TBC1D5: variants seen among roughly 807,000 people sequenced by gnomAD.
The protein encoded by TBC1D5 is TBC1 domain family member 5, also known as TBC1 domain family, member 5.
Under a neutral mutation model 100.3 loss-of-function variants are expected in TBC1D5, and 75 were observed. The ratio of observed to expected loss-of-function variants is 0.75; its 90% CI spans 0.62 to 0.91. The LOEUF (loss-of-function observed/expected upper bound fraction) is 0.91. TBC1D5 is among the 40% of genes least tolerant of loss of function. TBC1D5 has a pLI of 0.00. For missense variants in TBC1D5, 910 were observed against 942.4 expected, an observed-to-expected ratio of 0.97 and a Z score of 0.45; for synonymous variants, 323 against 325.6, an observed-to-expected ratio of 0.99 and a Z score of 0.09.
rs200032975 is a variant in TBC1D5, at chr3:17,606,785, A to AAAC, written c.-36+17061_-36+17063dup. 4.6e-4 allele frequency among the ~76,000 whole-genome samples: 70 copies of AAAC among 152,176 alleles called. 1 individual carries two copies. The South Asian group carries it at 9.8e-3, about 21-fold the overall frequency. ...ACAAAGAGGTCATTTCTATACTGAA[A>AAAC]AACAACAACAACAACAACAAATAAC... is the stretch of plus-strand genomic sequence containing the variant. On this transcript the variant is annotated intron_variant, in intron 2 of 21. Transcript: ENST00000253692.
chr3:17,424,046 G>GA lies in TBC1D5; in HGVS notation c.167+4403dup, dbSNP rs149592667. 1.1e-4 allele frequency among the ~76,000 whole-genome samples: 17 copies of GA among 149,264 alleles called. 1 individual carries two copies. Among genetic ancestry groups the GA allele is most frequent in the South Asian group, 6.4e-4 (3 of 4,690 alleles). On this transcript the variant is annotated intron_variant, in intron 4 of 21. Coordinates refer to ENST00000253692, the Ensembl canonical transcript of TBC1D5. The stretch of plus-strand genomic sequence containing the variant: ...TTATGACATTATACTTTAAAAATCT[G>GA]AAAAAAAAAGCATTACATTGGCTCA...
At chr3:17,195,754 C>T (rs1181560376) in intron 18 of TBC1D5, among the ~76,000 whole-genome samples, 2 of 144,590 alleles carry the variant, frequency 1.4e-5, no homozygotes, top group African/African-American at 2.5e-5. Flanking sequence ...ATATTTCTTT[C>T]TTTTTTTTTT....
intron 16 of TBC1D5, among the ~76,000 whole-genome samples, chr3:17,247,454 A>G (rs567830618): frequency 6.6e-6 from 1 of 152,334 alleles, no homozygotes; most frequent in Admixed American, 6.5e-5. Context: ...TTAAAAAAAT[A>G]CTTTATTGCC....
chr3:17,669,589 C>G (rs1457045170), intron 1 of TBC1D5, among the ~76,000 whole-genome samples: 1 of 152,076 alleles, frequency 6.6e-6, no homozygotes, highest in Non-Finnish European at 1.5e-5. Context: ...CTCCATAGGG[C>G]TCCTTGGTAA....
At chr3:17,366,515 T>G (rs1559730241) in intron 13 of TBC1D5, among the ~76,000 whole-genome samples, 1 of 152,114 alleles carries the variant, frequency 6.6e-6, no homozygotes, top group Non-Finnish European at 1.5e-5. Flanking sequence ...TGGGAAAACA[T>G]TCAGTAGTGT....
chr3:17,166,344 C>CA (rs1288885569), intron 21 of TBC1D5, among the ~76,000 whole-genome samples: 2 of 152,082 alleles, frequency 1.3e-5, no homozygotes, highest in Admixed American at 6.5e-5. Context: ...GTAATTTTGG[C>CA]AAAAAAGGTT....
chr3:17,284,125 T>TACACACACACACACACAC lies in TBC1D5; in HGVS notation c.1245+7769_1245+7770insGTGTGTGTGTGTGTGTGT, dbSNP rs1559549230. On this transcript the variant is annotated intron_variant, in intron 15 of 21. Coordinates refer to ENST00000253692, the Ensembl canonical transcript of TBC1D5. ...ACACACACACACACACACACACACG[T>TACACACACACACACACAC]ATTTTTAATTTAGACAGAGTCTTGG... is the stretch of plus-strand genomic sequence containing the variant. Among the ~76,000 whole-genome samples the TACACACACACACACACAC allele has an allele frequency of 9.2e-4, 49 of 53,454 alleles. No homozygotes were observed. In the South Asian group the frequency reaches 0.019, roughly 21 times the overall value. 35.1% of individuals were successfully genotyped at this position (53,454 alleles called of 152,430 possible).
At chr3:17,688,840 CTA>C (rs1169285990) in intron 1 of TBC1D5, among the ~76,000 whole-genome samples, 1 of 152,162 alleles carries the variant, frequency 6.6e-6, no homozygotes. Flanking sequence ...ATTTCTCAGC[CTA>C]TTTTTAAAAT....
chr3:17,307,792 TCA>T (rs2083546359), intron 14 of TBC1D5, among the ~76,000 whole-genome samples, 198 bp downstream of exon 14: 4 of 152,166 alleles, frequency 2.6e-5, no homozygotes, highest in Admixed American at 2.6e-4. Flanking sequence ...ATAAAATGAC[TCA>T]CATCTCCCAA....
chr3:17,236,556 G>A (rs2075871232), intron 17 of TBC1D5, among the ~76,000 whole-genome samples: 2 of 151,766 alleles, frequency 1.3e-5, no homozygotes, highest in African/African-American at 4.8e-5. Context: ...CACGATCTTG[G>A]CTCACTGCAA....
At chr3:17,208,859 G>A (rs969493481) in intron 18 of TBC1D5, among the ~76,000 whole-genome samples, 2 of 152,116 alleles carry the variant, frequency 1.3e-5, no homozygotes, top group African/African-American at 2.4e-5. Context: ...TCATAGACAC[G>A]TTCTTTGTAC....
chr3:17,684,090 T>C (rs1289835701), intron 1 of TBC1D5, among the ~76,000 whole-genome samples: 1 of 151,914 alleles, frequency 6.6e-6, no homozygotes, highest in Non-Finnish European at 1.5e-5. Context: ...TTTCTTTCTT[T>C]CTTTTTTTTT....
chr3:17,449,786 G>T (rs956887008), intron 3 of TBC1D5, among the ~76,000 whole-genome samples: 1 of 152,230 alleles, frequency 6.6e-6, no homozygotes, highest in African/African-American at 2.4e-5. Flanking sequence ...CCTGGGGGAA[G>T]GGGCGGCTGT....
intron 13 of TBC1D5, among the ~76,000 whole-genome samples, chr3:17,328,575 A>G (rs1321480811): frequency 2.0e-5 from 3 of 152,190 alleles, no homozygotes; most frequent in Admixed American, 1.3e-4. Context: ...ACAATACAGT[A>G]TTCCTCCTTC....
chr3:17,358,246 A>G (rs1402490852), intron 13 of TBC1D5, among the ~76,000 whole-genome samples: 1 of 152,044 alleles, frequency 6.6e-6, no homozygotes, highest in Non-Finnish European at 1.5e-5. Context: ...GTGCAATGGC[A>G]TGATCTCGGC....
chr3:17,555,756 G>C (rs1479365672), intron 2 of TBC1D5, among the ~76,000 whole-genome samples: 2 of 152,138 alleles, frequency 1.3e-5, no homozygotes, highest in African/African-American at 4.8e-5. Flanking sequence ...GGTGGTATTT[G>C]TTATCTTAGT....
intron 18 of TBC1D5, among the ~76,000 whole-genome samples, chr3:17,201,497 A>T (rs2125811504): frequency 6.6e-6 from 1 of 152,268 alleles, no homozygotes; most frequent in East Asian, 1.9e-4. Context: ...AGCTTGGGTA[A>T]AGGTGCCTGA....
intron 18 of TBC1D5, among the ~76,000 whole-genome samples, chr3:17,211,694 G>A (rs904692373): frequency 5.3e-5 from 8 of 152,102 alleles, no homozygotes; most frequent in African/African-American, 1.9e-4. Flanking sequence ...GTTGTCACTT[G>A]TCATCTGTTT....
intron 2 of TBC1D5, among the ~76,000 whole-genome samples, chr3:17,555,147 C>A (rs9941993): frequency 4.6e-5 from 7 of 152,012 alleles, no homozygotes; most frequent in Admixed American, 2.6e-4. Context: ...TTGCGCCAGG[C>A]CTTGTGCTTT....
Sources: gnomAD v4.1 joint callset for allele counts (sites outside exome capture counted in the v4.1 genomes callset) on GRCh38, gnomAD v4.1.1 for gene constraint, MANE v1.5 for transcripts, NCBI Gene and HGNC (gene_info 2026-07-23, HGNC 2026-07-21) for gene names.